PTPRD: variants seen among roughly 807,000 people sequenced by gnomAD.
The protein encoded by PTPRD is receptor-type tyrosine-protein phosphatase delta.
Under a neutral mutation model 214.5 loss-of-function variants are expected in PTPRD, and 34 were observed. The observed-to-expected ratio is 0.16, with a 90% CI of 0.12 to 0.21. The LOEUF is 0.21. Ranked by LOEUF, PTPRD falls within the 10% of genes least tolerant of loss-of-function variation. The pLI is 1.00. For synonymous variants in PTPRD, 1,128 were observed against 845.7 expected (o/e 1.33, Z -5.79); for missense variants, 2,545 against 2,398.7 (o/e 1.06, Z -1.27).
chr9:10,312,979 T>C (rs1458235049), intron 3 of PTPRD, among the ~76,000 whole-genome samples: 1 of 151,990 alleles, frequency 6.6e-6, no homozygotes, highest in African/African-American at 2.4e-5. Context: ...TCAATGGTCC[T>C]GACACTATGA....
intron 14 of PTPRD, among the ~76,000 whole-genome samples, chr9:8,554,350 A>G (rs967125669): frequency 1.3e-5 from 2 of 152,238 alleles, no homozygotes; most frequent in African/African-American, 4.8e-5. Flanking sequence ...TCATGTTTTG[A>G]TATCACAGAA....
At chr9:9,375,943 G>A (rs1203402895) in intron 9 of PTPRD, among the ~76,000 whole-genome samples, 1 of 152,086 alleles carries the variant, frequency 6.6e-6, no homozygotes, top group African/African-American at 2.4e-5. Flanking sequence ...TAACTTGCAT[G>A]TTACACATAT....
At chr9:8,598,475 T>G (rs898599187) in intron 14 of PTPRD, among the ~76,000 whole-genome samples, 1 of 151,476 alleles carries the variant, frequency 6.6e-6, no homozygotes, top group Non-Finnish European at 1.5e-5. Flanking sequence ...ATAAAATAAA[T>G]AAATAAATAA....
chr9:9,973,644 G>A (rs2154052622), intron 4 of PTPRD, among the ~76,000 whole-genome samples: 1 of 152,264 alleles, frequency 6.6e-6, no homozygotes, highest in South Asian at 2.1e-4. Flanking sequence ...CCAAGTACAT[G>A]GGGCACTCAC....
At chr9:8,656,653 G>T (rs1347019365) in intron 12 of PTPRD, among the ~76,000 whole-genome samples, 1 of 152,180 alleles carries the variant, frequency 6.6e-6, no homozygotes, top group Non-Finnish European at 1.5e-5. Context: ...AAAGCTACAG[G>T]AAATTTTGCA....
chr9:10,611,281 G>A (rs2133813151), intron 2 of PTPRD, among the ~76,000 whole-genome samples: 1 of 152,220 alleles, frequency 6.6e-6, no homozygotes, highest in East Asian at 1.9e-4. Flanking sequence ...TTTTGTCTAA[G>A]TTGCAACTCC....
chr9:9,466,881 G>C (rs892900837), intron 8 of PTPRD, among the ~76,000 whole-genome samples: 1 of 151,612 alleles, frequency 6.6e-6, no homozygotes, highest in Non-Finnish European at 1.5e-5. Context: ...TATACTTTTT[G>C]TTCTTGCATG....
chr9:8,891,092 G>A (rs1340654973), intron 11 of PTPRD, among the ~76,000 whole-genome samples: 1 of 151,298 alleles, frequency 6.6e-6, no homozygotes, highest in African/African-American at 2.4e-5. Context: ...GAACAGATGG[G>A]ATACATACAC....
intron 9 of PTPRD, among the ~76,000 whole-genome samples, chr9:9,255,683 G>A (rs1164804781): frequency 6.6e-6 from 1 of 151,902 alleles, no homozygotes; most frequent in Admixed American, 6.6e-5. Flanking sequence ...ACAAAATACT[G>A]CAAAAAAGTT....
At chr9:9,286,824 A>G (rs1426202014) in intron 9 of PTPRD, among the ~76,000 whole-genome samples, 3 of 137,488 alleles carry the variant, frequency 2.2e-5, no homozygotes, top group South Asian at 2.4e-4. Flanking sequence ...ATGATGCTCA[A>G]AAAATGAATG....
chr9:10,232,190 C>G (rs914149088), intron 3 of PTPRD, among the ~76,000 whole-genome samples: 3 of 151,784 alleles, frequency 2.0e-5, no homozygotes, highest in African/African-American at 7.3e-5. Context: ...AACTTCCCAG[C>G]CTGCAGGACC....
rs114738041 is a variant in PTPRD at position 9,878,163 on chromosome 9, C to T, written c.-368+60344G>A. Among the ~76,000 whole-genome samples the T allele has an allele frequency of 1.3e-3, 192 of 152,092 alleles. 1 individual carries two copies. Among genetic ancestry groups the T allele is most frequent in the African/African-American group, 4.6e-3 (190 of 41,480 alleles). On this transcript the variant is annotated intron_variant, in intron 5 of 45. Coordinates refer to ENST00000381196, the MANE Select transcript of PTPRD (RefSeq NM_002839.4). ...AGAGAACAATAGTGGCTTTAGTATGCTTAATTTTATTGAAATATACTTAAA... is the reference window on the plus strand; with the variant it reads ...AGAGAACAATAGTGGCTTTAGTATGTTTAATTTTATTGAAATATACTTAAA...
chr9:10,237,858 T>A (rs1288314592), intron 3 of PTPRD, among the ~76,000 whole-genome samples: 1 of 151,938 alleles, frequency 6.6e-6, no homozygotes, highest in Non-Finnish European at 1.5e-5. Context: ...TAGCACCTAT[T>A]ACAAAGACTT....
chr9:8,486,485 T>A (rs770724937), intron 27 of PTPRD, 136 bp from the exon 28 acceptor site: 1 of 800,168 alleles, frequency 1.2e-6, no homozygotes, highest in South Asian at 1.4e-5. Context: ...CAGGCAATGT[T>A]TGACCTACAT....
intron 37 of PTPRD, among the ~76,000 whole-genome samples, chr9:8,377,959 G>T (rs919726283): frequency 6.6e-6 from 1 of 152,044 alleles, no homozygotes; most frequent in African/African-American, 2.4e-5. Context: ...CTAAGAAAGG[G>T]AGAAGTTTTA....
intron 7 of PTPRD, among the ~76,000 whole-genome samples, chr9:9,615,251 A>G (rs982337805): frequency 1.3e-5 from 2 of 152,148 alleles, no homozygotes; most frequent in East Asian, 3.9e-4. Flanking sequence ...TCCTCCTGCC[A>G]GGTGCAGGCT....
At chr9:8,509,578 C>T (rs1168911416) in intron 21 of PTPRD, among the ~76,000 whole-genome samples, 2 of 152,290 alleles carry the variant, frequency 1.3e-5, no homozygotes, top group African/African-American at 2.4e-5. Context: ...TTGCTTGTTA[C>T]GCATTTCTTC....
At chr9:10,069,220 G>T (rs1170100154) in intron 3 of PTPRD, among the ~76,000 whole-genome samples, 3 of 151,966 alleles carry the variant, frequency 2.0e-5, no homozygotes, top group African/African-American at 7.2e-5. Flanking sequence ...GACACAGGCT[G>T]GAGATGGTAA....
intron 11 of PTPRD, among the ~76,000 whole-genome samples, chr9:8,932,791 TCTTAG>T (rs1358091149): frequency 2.0e-5 from 3 of 152,232 alleles, no homozygotes; most frequent in Non-Finnish European, 2.9e-5. Flanking sequence ...AGCCAGTGGA[TCTTAG>T]CTTGCTGGGC....
Sources: gnomAD v4.1 joint callset for allele counts (sites outside exome capture counted in the v4.1 genomes callset) on GRCh38, gnomAD v4.1.1 for gene constraint, MANE v1.5 for transcripts, NCBI Gene and HGNC (gene_info 2026-07-23, HGNC 2026-07-21) for gene names.